The following INSC variants were observed in gnomAD, a reference collection of about 807,000 sequenced individuals.
INSC encodes INSC spindle orientation adaptor protein, also known as protein inscuteable homolog.
INSC carries 67 observed loss-of-function variants against 58.6 expected under a neutral mutation model. The ratio of observed to expected loss-of-function variants is 1.14; its 90% CI spans 0.94 to 1.40. The LOEUF is 1.40. Among genes scored for constraint, INSC ranks in the 40% most tolerant of loss-of-function variants. The pLI, the probability that INSC is intolerant of heterozygous loss-of-function variation, is 0.00. For synonymous variants in INSC, 262 were observed against 276.1 expected (o/e 0.95, Z 0.51); for missense variants, 714 against 692.0 (o/e 1.03, Z -0.36).
chr11:15,258,707 G>A, the INSC span, among the ~76,000 whole-genome samples: 1 of 152,104 alleles, frequency 6.6e-6, no homozygotes, highest in African/African-American at 2.4e-5. Flanking sequence ...TGGAGCAGGA[G>A]AACTCCCAAT....
chr11:15,229,957 TA>T lies in INSC; in HGVS notation c.1170+4130del, dbSNP rs796631504. On this transcript the variant is annotated intron_variant, in intron 9 of 12. Coordinates refer to ENST00000379556, the MANE Select transcript of INSC (RefSeq NM_001042536.3). ...TTATATATATATAATATTATATATA[TA>T]TTTATATATATATATATATATTATA... is the stretch of plus-strand genomic sequence containing the variant. Among the ~76,000 whole-genome samples the T allele has an allele frequency of 9.7e-4, 7 of 7,188 alleles. No individual in the cohort carries two copies. The East Asian group carries it at 0.23, about 233-fold the overall frequency. 4.7% of individuals were successfully genotyped at this position (7,188 alleles called of 152,430 possible). A position where few individuals can be genotyped will look rare whatever the true frequency, so the allele number is the denominator to read the frequency against.
At chr11:15,150,808 A>G (rs1383773549) in intron 2 of INSC, among the ~76,000 whole-genome samples, 1 of 152,168 alleles carries the variant, frequency 6.6e-6, no homozygotes, top group Non-Finnish European at 1.5e-5. Flanking sequence ...CAAAAGAACA[A>G]AACTCTACTC....
At chr11:15,208,386 A>T (rs1006629268) in intron 7 of INSC, among the ~76,000 whole-genome samples, 3 of 152,154 alleles carry the variant, frequency 2.0e-5, no homozygotes, top group Admixed American at 6.5e-5. Flanking sequence ...AAAGGAACTG[A>T]GGCTGGCACT....
chr11:15,237,991 T>C (rs1852195216), intron 10 of INSC, among the ~76,000 whole-genome samples: 2 of 152,044 alleles, frequency 1.3e-5, no homozygotes, highest in African/African-American at 2.4e-5. Flanking sequence ...CTGGCTTAAG[T>C]TCTAAGCTGG....
intron 1 of INSC, among the ~76,000 whole-genome samples, chr11:15,143,152 C>A (rs1448529970): frequency 6.6e-6 from 1 of 152,180 alleles, no homozygotes; most frequent in Admixed American, 6.5e-5. Flanking sequence ...CTAGTCCCTG[C>A]TCCCCACCTT....
chr11:15,170,313 C>A (rs1229520750), intron 2 of INSC, among the ~76,000 whole-genome samples: 1 of 152,012 alleles, frequency 6.6e-6, no homozygotes, highest in Non-Finnish European at 1.5e-5. Flanking sequence ...GGATTCCACC[C>A]AGGATATCAT....
At chr11:15,179,706 A>G (rs1409557102) in intron 5 of INSC, among the ~76,000 whole-genome samples, 1 of 152,260 alleles carries the variant, frequency 6.6e-6, no homozygotes, top group Admixed American at 6.5e-5. Flanking sequence ...GTGCTGGGGC[A>G]GCACTTGGAG....
the INSC span, among the ~76,000 whole-genome samples, chr11:15,260,406 C>T: frequency 6.6e-6 from 1 of 152,002 alleles, no homozygotes; most frequent in African/African-American, 2.4e-5. Flanking sequence ...TTTTTGATGT[C>T]ATAAGACAGA....
At chr11:15,181,627 C>A (rs1849783222) in intron 5 of INSC, among the ~76,000 whole-genome samples, 1 of 152,134 alleles carries the variant, frequency 6.6e-6, no homozygotes, top group African/African-American at 2.4e-5. Flanking sequence ...ATTGTATTAA[C>A]CCAAGAATCT....
At chr11:15,173,711 A>G (rs754328828) in intron 2 of INSC, among the ~76,000 whole-genome samples, 6 of 152,204 alleles carry the variant, frequency 3.9e-5, no homozygotes, top group Admixed American at 6.5e-5. Context: ...AGGCAGAGAC[A>G]GAGAAATCAT....
chr11:15,222,160 C>T (rs1424371531), intron 8 of INSC, among the ~76,000 whole-genome samples: 2 of 152,274 alleles, frequency 1.3e-5, no homozygotes, highest in African/African-American at 2.4e-5. Flanking sequence ...CCTCTAGGTT[C>T]CCCTATTCAA....
chr11:15,145,761 G>C (rs1467420919), intron 1 of INSC, among the ~76,000 whole-genome samples: 1 of 152,214 alleles, frequency 6.6e-6, no homozygotes, highest in Non-Finnish European at 1.5e-5. Context: ...CCTGAGGGCT[G>C]TGTCACTGAG....
At chr11:15,140,530 G>A (rs554909676) in intron 1 of INSC, among the ~76,000 whole-genome samples, 76 of 151,692 alleles carry the variant, frequency 5.0e-4, no homozygotes, top group African/African-American at 1.7e-3. Context: ...AGCTTGGCTT[G>A]CTGTGTGACC....
chr11:15,208,881 G>A (rs1052180508), intron 7 of INSC, among the ~76,000 whole-genome samples: 3 of 152,214 alleles, frequency 2.0e-5, no homozygotes, highest in Non-Finnish European at 4.4e-5. Context: ...GGGCTGTTGA[G>A]GCTGGTGGTC....
At chr11:15,150,679 T>C (rs981203313) in intron 2 of INSC, among the ~76,000 whole-genome samples, 4 of 152,020 alleles carry the variant, frequency 2.6e-5, no homozygotes, top group African/African-American at 9.7e-5. Context: ...AGGCCAGGGG[T>C]TGGGATCCCT....
intron 3 of INSC, among the ~76,000 whole-genome samples, chr11:15,176,821 A>G (rs1334953692): frequency 1.3e-5 from 2 of 152,124 alleles, no homozygotes; most frequent in East Asian, 1.9e-4. Flanking sequence ...CTTTGCAGAC[A>G]TTAAAACTTC....
chr11:15,114,695 A>G (rs900487449), upstream of INSC, among the ~76,000 whole-genome samples: 1 of 152,110 alleles, frequency 6.6e-6, no homozygotes, highest in Admixed American at 6.5e-5. Context: ...TGCAGATGGG[A>G]GGGAGGGCCA....
intron 2 of INSC, 46 bp downstream of exon 2, chr11:15,149,276 AC>A (rs754382510): frequency 3.1e-5 from 45 of 1,430,884 alleles, no homozygotes; most frequent in Non-Finnish European, 4.0e-5. Flanking sequence ...CCCCATCTGA[AC>A]CGTGACTGAG....
At chr11:15,217,006 G>T (rs1372221300) in intron 7 of INSC, among the ~76,000 whole-genome samples, 1 of 152,202 alleles carries the variant, frequency 6.6e-6, no homozygotes, top group Non-Finnish European at 1.5e-5. Context: ...CAACCTATGA[G>T]ATTGGTATTA....
Sources: allele counts gnomAD v4.1 joint callset (sites outside exome capture counted in the v4.1 genomes callset), GRCh38; gene constraint gnomAD v4.1.1; transcripts MANE v1.5; gene names NCBI Gene and HGNC (gene_info 2026-07-23, HGNC 2026-07-21).